HERC1: variants seen among roughly 807,000 people sequenced by gnomAD.
The protein encoded by HERC1 is probable E3 ubiquitin-protein ligase HERC1.
A neutral mutation model predicts 554.3 loss-of-function variants in HERC1; 160 were observed. The ratio of observed to expected loss-of-function variants is 0.29; its 90% CI spans 0.25 to 0.33. The LOEUF (loss-of-function observed/expected upper bound fraction) is 0.33, where lower values mean the gene tolerates loss of function less well. HERC1 is among the 10% of genes least tolerant of loss of function. The pLI is 1.00. For missense variants in HERC1, 4,919 were observed against 5,918.5 expected, an observed-to-expected ratio of 0.83 and a Z score of 5.54; for synonymous variants, 2,175 against 2,131.7, an observed-to-expected ratio of 1.02 and a Z score of -0.56.
At position 63,688,937 on chromosome 15, in the gene HERC1, G is replaced by A. The variant is rs75398264; in HGVS notation, c.6048+652C>T. 1.2e-3 allele frequency among the ~76,000 whole-genome samples: 189 copies of A among 152,308 alleles called. No homozygotes were observed. The East Asian group carries it at 0.029, about 23-fold the overall frequency. On this transcript the variant is annotated intron_variant, in intron 33 of 77. Transcript: ENST00000443617. Reference sequence around the variant, plus strand: ...CCCAGGCTAGCATTTAAGTTTGGAAGGCACTGCAGAGTGATCTTTTAAAAC... The same window carrying A: ...CCCAGGCTAGCATTTAAGTTTGGAAAGCACTGCAGAGTGATCTTTTAAAAC...
intron 12 of HERC1, among the ~76,000 whole-genome samples, chr15:63,740,490 T>C (rs909711402): frequency 2.6e-5 from 4 of 152,248 alleles, no homozygotes; most frequent in African/African-American, 9.6e-5. Flanking sequence ...TGTTTAACTA[T>C]TTAAGGAACT....
intron 33 of HERC1, among the ~76,000 whole-genome samples, chr15:63,688,777 G>A (rs2071931227): frequency 6.6e-6 from 1 of 152,170 alleles, no homozygotes; most frequent in African/African-American, 2.4e-5. Context: ...GGAGGCTAGT[G>A]ACTATATGCA....
At chr15:63,801,002 A>G (rs1417078960) in intron 1 of HERC1, among the ~76,000 whole-genome samples, 1 of 152,182 alleles carries the variant, frequency 6.6e-6, no homozygotes, top group East Asian at 1.9e-4. Context: ...AACCAAGCCT[A>G]CGTAATGCAG....
intron 25 of HERC1, among the ~76,000 whole-genome samples, chr15:63,701,542 A>G (rs2072723851): frequency 1.3e-5 from 2 of 152,222 alleles, no homozygotes; most frequent in South Asian, 4.1e-4. Context: ...GTAGTATGAA[A>G]GCAACCACTT....
chr15:63,709,217 G>A (rs2073169557), intron 24 of HERC1, among the ~76,000 whole-genome samples: 1 of 151,364 alleles, frequency 6.6e-6, no homozygotes, highest in East Asian at 1.9e-4. Context: ...GGCTGGTCTT[G>A]AACTGCTGGC....
chr15:63,715,751 C>T (rs1483190600), intron 22 of HERC1, among the ~76,000 whole-genome samples: 1 of 152,096 alleles, frequency 6.6e-6, no homozygotes, highest in Non-Finnish European at 1.5e-5. Context: ...TAAATAACTA[C>T]CTTTAAAAAC....
intron 2 of HERC1, among the ~76,000 whole-genome samples, chr15:63,774,030 T>G (rs2076037560): frequency 6.6e-6 from 1 of 152,196 alleles, no homozygotes; most frequent in Non-Finnish European, 1.5e-5. Context: ...GATCTTTCCT[T>G]AGCTCATCAC....
At chr15:63,669,413 C>G (rs1263751823) in intron 40 of HERC1, 125 bp downstream of exon 40, 1 of 851,092 alleles carries the variant, frequency 1.2e-6, no homozygotes, top group East Asian at 2.4e-5. Context: ...TTTAATGGGG[C>G]AGTTCCCCTT....
At position 63,677,898 on chromosome 15, in the gene HERC1, T is replaced by C. The variant is rs1301410675; in HGVS notation, c.7017A>G (p.Lys2339=). ...GGACCTTGGCAGACGTGCTGCCCTC[T>C]TTGACCACTCCCAGCAGCGTGGCAT... The part of the protein sequence containing the change: ...GRHATLLGVV[K]EGSTSAKVQW... The change falls in exon 37 of 78, where the codon AAA becomes AAG. Residue 2339 remains lysine, a synonymous_variant. Transcript: ENST00000443617. The surrounding 1 kb of genome is among the most constrained non-coding windows in gnomAD (Gnocchi z 4.4). 2 of 1,614,070 alleles carry C rather than the reference T, an allele frequency of 1.2e-6. No homozygotes were observed. The highest frequency in any genetic ancestry group is 1.7e-5 in the Admixed American group (1 of 60,034).
At chr15:63,757,741 ACT>A in intron 4 of HERC1, among the ~76,000 whole-genome samples, 1 of 152,074 alleles carries the variant, frequency 6.6e-6, no homozygotes, top group East Asian at 1.9e-4. Flanking sequence ...ACGGAGCCTC[ACT>A]CTGTCACCCA....
rs773934426 is a variant in HERC1 at position 63,664,637 on chromosome 15, A to C, written c.8556-43T>G. ...AAAGCAACACAAAGTTTTTGAAACC[A>C]TTATGGAAAGAAAGCATAGGTGTAA... On this transcript the variant is annotated intron_variant, in intron 42 of 77. Coordinates refer to ENST00000443617, the MANE Select transcript of HERC1 (RefSeq NM_003922.4). 3 of 1,583,776 alleles carry C rather than the reference A, an allele frequency of 1.9e-6. No homozygotes were observed. In the African/African-American group the frequency reaches 4.0e-5, roughly 21 times the overall value.
intron 1 of HERC1, among the ~76,000 whole-genome samples, chr15:63,830,453 T>C (rs1381198130): frequency 6.6e-6 from 1 of 151,928 alleles, no homozygotes; most frequent in Non-Finnish European, 1.5e-5. Flanking sequence ...TGAGGAACTG[T>C]CAGAGATTGG....
intron 1 of HERC1, among the ~76,000 whole-genome samples, chr15:63,781,233 T>C (rs1225728963): frequency 1.3e-5 from 2 of 152,114 alleles, no homozygotes; most frequent in African/African-American, 4.8e-5. Context: ...AATAGAGACT[T>C]AAATACAGCC....
At chr15:63,743,998 C>T (rs867853428) in intron 12 of HERC1, among the ~76,000 whole-genome samples, 1 of 145,228 alleles carries the variant, frequency 6.9e-6, no homozygotes, top group South Asian at 2.2e-4. Context: ...CGTTGTGGTT[C>T]TTGCAGCCTC....
rs1438393595 is a variant in HERC1, at chr15:63,734,912, T to G, written c.2521-63A>C. On this transcript the variant is annotated intron_variant, in intron 12 of 77. Transcript: ENST00000443617. The surrounding 1 kb of genome is among the most constrained non-coding windows in gnomAD (Gnocchi z 4.6). ...TTCTTAGTTTTTAATAAAAACACAC[T>G]TAAAGCGAACTCACTGACTACTAGG... The G allele has an allele frequency of 7.0e-7, 1 of 1,433,618 alleles. No individual in the cohort carries two copies. Among genetic ancestry groups the G allele is most frequent in the Non-Finnish European group, 9.5e-7 (1 of 1,048,476 alleles). The allele number at this position is 1,433,618 out of a possible 1,614,324, so 88.8% of individuals were successfully genotyped here.
intron 1 of HERC1, among the ~76,000 whole-genome samples, chr15:63,781,446 G>A (rs2076286348): frequency 1.3e-5 from 2 of 152,088 alleles, no homozygotes; most frequent in Non-Finnish European, 2.9e-5. Context: ...TAACTGTTAT[G>A]GTAACCTGTA....
At chr15:63,806,989 A>G (rs2077159319) in intron 1 of HERC1, among the ~76,000 whole-genome samples, 1 of 151,968 alleles carries the variant, frequency 6.6e-6, no homozygotes, top group African/African-American at 2.4e-5. Flanking sequence ...CTGGTGATCC[A>G]CCCACCTCGG....
chr15:63,644,823 C>T lies in HERC1; in HGVS notation c.11184+169G>A, dbSNP rs1053334460. 7.2e-5 allele frequency among the ~76,000 whole-genome samples: 11 copies of T among 152,172 alleles called. No homozygotes were observed. In the East Asian group the frequency reaches 2.1e-3, roughly 29 times the overall value. On this transcript the variant is annotated intron_variant, in intron 57 of 77. Transcript: ENST00000443617. Reference sequence around the variant, plus strand: ...ATTTTACCAAGCAATTATGGTATCTCTGATTTATAAAAAATTAAGCTAATT... The same window carrying T: ...ATTTTACCAAGCAATTATGGTATCTTTGATTTATAAAAAATTAAGCTAATT...
At chr15:63,813,317 CA>C (rs1307309164) in intron 1 of HERC1, among the ~76,000 whole-genome samples, 1 of 142,120 alleles carries the variant, frequency 7.0e-6, no homozygotes, top group Admixed American at 7.1e-5. Context: ...GATGGACACA[CA>C]CACACACACA....
Sources: gnomAD v4.1 joint callset for allele counts (sites outside exome capture counted in the v4.1 genomes callset) on GRCh38, gnomAD v4.1.1 for gene constraint, Gnocchi (gnomAD v3.1) non-coding constraint, MANE v1.5 for transcripts, NCBI Gene and HGNC (gene_info 2026-07-23, HGNC 2026-07-21) for gene names.